Variants in OR5P3 observed in about 807,000 individuals in gnomAD.
OR5P3 encodes the protein olfactory receptor 5P3.
For missense variants in OR5P3, 415 were observed against 375.6 expected, an observed-to-expected ratio of 1.10 and a Z score of -0.87; for synonymous variants, 172 against 141.8, an observed-to-expected ratio of 1.21 and a Z score of -1.51.
In OR5P3 at chr11:7,825,404, G is replaced by A. The variant is rs748564383; in HGVS notation, c.569C>T (p.Ser190Phe). 3.7e-6 allele frequency: 6 copies of A among 1,613,134 alleles called. No homozygotes were observed. Among genetic ancestry groups the A allele is most frequent in the Non-Finnish European group, 3.4e-6 (4 of 1,180,024 alleles). The part of the protein sequence containing the change: ...DYSPLLKLAC[S>F]HDFTFEIIPA... Reference sequence around the variant, plus strand: ...AATTATTTCAAAAGTAAAATCATGGGAACAAGCAAGCTTCAAAAGTGGTGA... The same window carrying A: ...AATTATTTCAAAAGTAAAATCATGGAAACAAGCAAGCTTCAAAAGTGGTGA... The change falls in exon 2 of 2, where the codon TCC becomes TTC. Residue 190 changes from serine to phenylalanine, a missense_variant. Coordinates refer to ENST00000641167, the MANE Select transcript of OR5P3 (RefSeq NM_153445.2).
At chr11:7,827,563 C>T (rs1329346159) in intron 1 of OR5P3, among the ~76,000 whole-genome samples, 1 of 152,092 alleles carries the variant, frequency 6.6e-6, no homozygotes, top group Non-Finnish European at 1.5e-5. Flanking sequence ...TACATTTAAG[C>T]TAGGCAAAGA....
chr11:7,829,409 C>G (rs16932560), intron 1 of OR5P3, among the ~76,000 whole-genome samples: 10,756 of 151,814 alleles, frequency 0.071, 1,117 homozygotes, highest in African/African-American at 0.23. Flanking sequence ...TTTACTACTC[C>G]AGTGCTTTTT....
In OR5P3 at chr11:7,825,859, G is replaced by A. The variant is rs767270354; in HGVS notation, c.114C>T (p.Thr38=). 1.2e-5 allele frequency: 20 copies of A among 1,611,134 alleles called. No individual in the cohort carries two copies. In the East Asian group the frequency reaches 2.9e-4, roughly 23 times the overall value. ...FLVFLGIYVV[T]LMGNISIIVL... is the part of the protein sequence containing the mutation. ...CAATTATGCTGATATTACCCATTAAGGTGACAACATAAATTCCTAGAAACA... is the reference window on the plus strand; with the variant it reads ...CAATTATGCTGATATTACCCATTAAAGTGACAACATAAATTCCTAGAAACA... Residue 38 remains threonine, a synonymous_variant, in exon 2 of 2, where the codon ACC becomes ACT. Transcript: ENST00000641167.
intron 1 of OR5P3, among the ~76,000 whole-genome samples, chr11:7,827,334 G>C (rs564223091): frequency 1.3e-5 from 2 of 152,264 alleles, no homozygotes; most frequent in East Asian, 3.9e-4. Context: ...TTCACATAAA[G>C]ATGCGGCTGA....
In OR5P3 at chr11:7,825,703, G is replaced by T; in HGVS notation, c.270C>A (p.Thr90=). Residue 90 remains threonine, a synonymous_variant, in exon 2 of 2, where the codon ACC becomes ACA. Transcript: ENST00000641167. ...VMLMSFLRKE[T]SLPVAGCVAQ... ...CCACACAACCAGCAACAGGGAGAGA[G>T]GTTTCTTTCCTTAGGAAGCTCATGA... The T allele has an allele frequency of 1.9e-6, 3 of 1,613,210 alleles. No individual in the cohort carries two copies. Among genetic ancestry groups the T allele is most frequent in the South Asian group, 1.1e-5 (1 of 91,082 alleles).
chr11:7,825,454 T>G lies in OR5P3; in HGVS notation c.519A>C (p.Lys173Asn). Reference sequence around the variant, plus strand: ...AATAGTCACAGAAAAAGTGATTGACTTTATTTGGCCCACAGAAGGACAGTC... The same window carrying G: ...AATAGTCACAGAAAAAGTGATTGACGTTATTTGGCCCACAGAAGGACAGTC... ...LLRLSFCGPN[K>N]VNHFFCDYSP... Residue 173 changes from lysine to asparagine, a missense_variant, in exon 2 of 2, where the codon AAA becomes AAC. Transcript: ENST00000641167. 6.2e-7 allele frequency: 1 copy of G among 1,613,288 alleles called. No individual in the cohort carries two copies. Among genetic ancestry groups the G allele is most frequent in the Non-Finnish European group, 8.5e-7 (1 of 1,180,046 alleles).
At position 7,825,673 on chromosome 11, in the gene OR5P3, C is replaced by T. The variant is rs142539313; in HGVS notation, c.300G>A (p.Gln100=). 17 of 1,613,104 alleles carry T rather than the reference C, an allele frequency of 1.1e-5. 3 individuals carry two copies. The African/African-American group carries it at 2.2e-4, about 20-fold the overall frequency. Residue 100 remains glutamine (Q), a synonymous_variant, in exon 2 of 2, where the codon CAG becomes CAA. Coordinates refer to ENST00000641167, the MANE Select transcript of OR5P3 (RefSeq NM_153445.2). The part of the protein sequence containing the change: ...TSLPVAGCVA[Q]LCSVVTFGTA... ...TACCAAACGTCACTACAGAACAGAGCTGGGCCACACAACCAGCAACAGGGA... is the reference window on the plus strand; with the variant it reads ...TACCAAACGTCACTACAGAACAGAGTTGGGCCACACAACCAGCAACAGGGA...
Position 7,825,015 on chromosome 11 carries a change from T to A in OR5P3, c.*22A>T. The A allele has an allele frequency of 6.5e-7, 1 of 1,545,846 alleles. No individual in the cohort carries two copies. Among genetic ancestry groups the A allele is most frequent in the Non-Finnish European group, 8.8e-7 (1 of 1,134,474 alleles). ...ATATATAGAATATTAATATATCAGA[T>A]TCTTCAAACTAACTAGTTTCATCAA... is the stretch of plus-strand genomic sequence containing the variant. On this transcript the variant is annotated 3_prime_UTR_variant, in exon 2 of 2. Coordinates refer to ENST00000641167, the MANE Select transcript of OR5P3 (RefSeq NM_153445.2).
intron 1 of OR5P3, among the ~76,000 whole-genome samples, 200 bp downstream of exon 1, chr11:7,830,624 A>C (rs568230235): frequency 6.6e-6 from 1 of 152,294 alleles, no homozygotes; most frequent in African/African-American, 2.4e-5. Context: ...TCAACTCTTC[A>C]TTACGTTATT....
chr11:7,829,543 A>G (rs947133759), intron 1 of OR5P3, among the ~76,000 whole-genome samples: 1 of 152,226 alleles, frequency 6.6e-6, no homozygotes, highest in African/African-American at 2.4e-5. Flanking sequence ...TTCAGGAATT[A>G]CAGGTCTACC....
chr11:7,828,767 A>T (rs7945667), intron 1 of OR5P3, among the ~76,000 whole-genome samples: 7,177 of 152,250 alleles, frequency 0.047, 262 homozygotes, highest in East Asian at 0.096. Flanking sequence ...CTTCACGTAG[A>T]TCCAAAACTG....
At chr11:7,830,248 C>T (rs1029834202) in intron 1 of OR5P3, among the ~76,000 whole-genome samples, 5 of 152,182 alleles carry the variant, frequency 3.3e-5, no homozygotes, top group Non-Finnish European at 5.9e-5. Context: ...CATCCAGCCA[C>T]ATTATTTTCA....
At chr11:7,829,441 A>G (rs768808071) in intron 1 of OR5P3, among the ~76,000 whole-genome samples, 45 of 152,152 alleles carry the variant, frequency 3.0e-4, no homozygotes, top group Non-Finnish European at 5.4e-4. Context: ...GATACACAAA[A>G]TAACTGCTCA....
chr11:7,828,503 G>C (rs1482788379), intron 1 of OR5P3, among the ~76,000 whole-genome samples: 1 of 152,154 alleles, frequency 6.6e-6, no homozygotes, highest in Non-Finnish European at 1.5e-5. Flanking sequence ...CAGAAGGGAG[G>C]GTGAAAGCTA....
intron 1 of OR5P3, 102 bp from the exon 2 acceptor site, chr11:7,826,095 C>T (rs1857738579): frequency 3.3e-6 from 2 of 609,804 alleles, no homozygotes; most frequent in South Asian, 2.4e-5. Context: ...AATTTAGGCA[C>T]TCATGTAAAT....
intron 1 of OR5P3, among the ~76,000 whole-genome samples, chr11:7,830,340 T>C (rs1857796364): frequency 6.6e-6 from 1 of 152,194 alleles, no homozygotes; most frequent in Non-Finnish European, 1.5e-5. Flanking sequence ...AAGAACACCA[T>C]GCAATTACAT....
chr11:7,824,930 G>T lies in OR5P3; in HGVS notation c.*107C>A. On this transcript the variant is annotated 3_prime_UTR_variant, in exon 2 of 2. Coordinates refer to ENST00000641167, the MANE Select transcript of OR5P3 (RefSeq NM_153445.2). ...CTGATTGACTAAAAAGCTCCACACT[G>T]GGTAATGGTCTATGGACAGATAAAT... 1.3e-6 allele frequency: 1 copy of T among 794,924 alleles called. No individual in the cohort carries two copies. The highest frequency in any genetic ancestry group is 1.8e-6 in the Non-Finnish European group (1 of 547,500). The allele number at this position is 794,924 out of a possible 1,614,324, so 49.2% of individuals were successfully genotyped here. A position where few individuals can be genotyped will look rare whatever the true frequency, so the allele number is the denominator to read the frequency against.
Position 7,825,522 on chromosome 11 carries a change from C to A in OR5P3, c.451G>T (p.Gly151Cys), listed in dbSNP as rs1857726335. ...CIILVGMSYL[G>C]GCVNAWTFIG... is the part of the protein sequence containing the mutation. ...AATGTCCAAGCATTCACACATCCAC[C>A]CAGGTAGGACATGCCCACTAAGATG... is the stretch of plus-strand genomic sequence containing the variant. The change falls in exon 2 of 2, where the codon GGT becomes TGT. Residue 151 changes from glycine to cysteine, a missense_variant. Coordinates refer to ENST00000641167, the MANE Select transcript of OR5P3 (RefSeq NM_153445.2). 4 of 1,613,200 alleles carry A rather than the reference C, an allele frequency of 2.5e-6. No homozygotes were observed. The highest frequency in any genetic ancestry group is 3.4e-6 in the Non-Finnish European group (4 of 1,180,030).
At position 7,825,975 on chromosome 11, in the gene OR5P3, A is replaced by G. The variant is rs536977656; in HGVS notation, c.-3T>C. Reference sequence around the variant, plus strand: ...GTGGTGTCATTTCCAGTCCCCATCTATATTGGGAATGGTGCCAACTGAAAG... The same window carrying G: ...GTGGTGTCATTTCCAGTCCCCATCTGTATTGGGAATGGTGCCAACTGAAAG... On this transcript the variant is annotated 5_prime_UTR_variant, in exon 2 of 2. Transcript: ENST00000641167. The G allele has an allele frequency of 2.9e-5, 42 of 1,469,898 alleles. No homozygotes were observed. The highest frequency in any genetic ancestry group is 3.8e-5 in the Non-Finnish European group (41 of 1,079,430). 91.1% of individuals were successfully genotyped at this position (1,469,898 alleles called of 1,614,324 possible).
Sources: allele counts gnomAD v4.1 joint callset (sites outside exome capture counted in the v4.1 genomes callset), GRCh38; gene constraint gnomAD v4.1.1; transcripts MANE v1.5; gene names NCBI Gene and HGNC (gene_info 2026-07-23, HGNC 2026-07-21).